Variants in CDK12 observed in about 807,000 individuals in gnomAD.
CDK12 encodes cyclin dependent kinase 12.
CDK12 carries 17 observed loss-of-function variants against 133.8 expected under a neutral mutation model. That is an observed-to-expected ratio of 0.13 (90% CI 0.09 to 0.19). CDK12 has a LOEUF of 0.19. Ranked by LOEUF, CDK12 falls within the 10% of genes least tolerant of loss-of-function variation. The probability of loss-of-function intolerance (pLI) is 1.00; values close to 1 mark genes in which losing one functional copy is unlikely to be tolerated. For synonymous variants in CDK12, 694 were observed against 683.6 expected (o/e 1.02, Z -0.24); for missense variants, 1,508 against 1,818.7 (o/e 0.83, Z 3.11).
In CDK12 at chr17:39,461,703, C is replaced by T. The variant is rs943962555; in HGVS notation, c.-369C>T. Reference sequence around the variant, plus strand: ...GGGCCCGCGTAGTCCTCGCAGGGCCCCAGAGCTGGAGTCGGCTCCACAGCC... The same window carrying T: ...GGGCCCGCGTAGTCCTCGCAGGGCCTCAGAGCTGGAGTCGGCTCCACAGCC... On this transcript the variant is annotated 5_prime_UTR_variant, in exon 1 of 14. Coordinates refer to ENST00000447079, the MANE Select transcript of CDK12 (RefSeq NM_016507.4). 13 of 315,776 alleles carry T rather than the reference C, an allele frequency of 4.1e-5. No individual in the cohort carries two copies. In the East Asian group the frequency reaches 5.7e-4, roughly 14 times the overall value. 19.6% of individuals were successfully genotyped at this position (315,776 alleles called of 1,614,324 possible). A position where few individuals can be genotyped will look rare whatever the true frequency, so the allele number is the denominator to read the frequency against.
intron 3 of CDK12, among the ~76,000 whole-genome samples, chr17:39,559,047 GAGA>G (rs1266605036): frequency 2.0e-5 from 3 of 152,152 alleles, no homozygotes; most frequent in Non-Finnish European, 4.4e-5. Context: ...GTACACTAAT[GAGA>G]ATATAATATT....
chr17:39,508,261 C>G (rs1032667121), intron 6 of CDK12, among the ~76,000 whole-genome samples: 3 of 152,090 alleles, frequency 2.0e-5, no homozygotes, highest in Non-Finnish European at 2.9e-5. Flanking sequence ...GATGCACAAT[C>G]TATATCTCAC....
Position 39,532,110 on chromosome 17 carries a change from C to G in CDK12, c.*794C>G. 1 of 132,224 alleles carries G rather than the reference C, an allele frequency of 7.6e-6. No individual in the cohort carries two copies. The highest frequency in any genetic ancestry group is 1.7e-5 in the Non-Finnish European group (1 of 58,698). The allele number at this position is 132,224 out of a possible 1,614,324, so 8.2% of individuals were successfully genotyped here. ...GTGCTCTCTCTCTCTCTTTCTCTCT[C>G]TCTCTCTCTCTCTCTCTCTCTCTCT... On this transcript the variant is annotated 3_prime_UTR_variant, in exon 14 of 14. Coordinates refer to ENST00000447079, the MANE Select transcript of CDK12 (RefSeq NM_016507.4).
chr17:39,510,640 A>G (rs1042823786), intron 7 of CDK12, among the ~76,000 whole-genome samples: 4 of 141,640 alleles, frequency 2.8e-5, no homozygotes, highest in African/African-American at 7.9e-5. Flanking sequence ...TTTCCTGGAG[A>G]TTTGCTCTTG....
At chr17:39,476,079 A>G (rs1277395903) in intron 2 of CDK12, among the ~76,000 whole-genome samples, 1 of 147,420 alleles carries the variant, frequency 6.8e-6, no homozygotes, top group East Asian at 2.0e-4. Context: ...TTTTTTTTTT[A>G]CTTCAGAAAA....
chr17:39,465,567 A>G (rs1227135403), intron 1 of CDK12, among the ~76,000 whole-genome samples: 1 of 151,542 alleles, frequency 6.6e-6, no homozygotes, highest in Admixed American at 6.6e-5. Context: ...GTTCACTGCA[A>G]CCTCTGCCTC....
chr17:39,563,795 G>T (rs564175091), intron 3 of CDK12, among the ~76,000 whole-genome samples: 77 of 150,664 alleles, frequency 5.1e-4, no homozygotes, highest in Non-Finnish European at 1.1e-3. Flanking sequence ...GAGTGAGGAA[G>T]GGGGGAGAGA....
chr17:39,507,746 C>T (rs991518721), intron 6 of CDK12, among the ~76,000 whole-genome samples: 1 of 152,160 alleles, frequency 6.6e-6, no homozygotes, highest in Non-Finnish European at 1.5e-5. Flanking sequence ...TTGAATCTTA[C>T]ATAATTTCAG....
chr17:39,518,538 T>G (rs1319011006), intron 10 of CDK12, among the ~76,000 whole-genome samples: 1 of 152,076 alleles, frequency 6.6e-6, no homozygotes, highest in African/African-American at 2.4e-5. Context: ...CTCTGTTATT[T>G]TATTTTACTT....
intron 2 of CDK12, 46 bp from the exon 3 acceptor site, chr17:39,490,511 G>A (rs1185582803): frequency 2.2e-6 from 3 of 1,365,354 alleles, no homozygotes; most frequent in Middle Eastern, 2.1e-4. Flanking sequence ...TTTTATTTGC[G>A]TATCTTTAAT....
chr17:39,530,530 A>G, intron 13 of CDK12, 74 bp from the exon 14 acceptor site: 1 of 1,504,794 alleles, frequency 6.6e-7, no homozygotes, highest in African/African-American at 1.4e-5. Flanking sequence ...TTTATGTTGC[A>G]CAGTGTGTGT....
At chr17:39,522,923 T>C (rs1254733325) in intron 11 of CDK12, among the ~76,000 whole-genome samples, 1 of 151,684 alleles carries the variant, frequency 6.6e-6, no homozygotes, top group Non-Finnish European at 1.5e-5. Context: ...TGTGGTGGTG[T>C]ATGCTTGTAG....
downstream of CDK12, chr17:39,535,009 T>C (rs1324902540): frequency 6.6e-6 from 1 of 152,212 alleles, no homozygotes; most frequent in African/African-American, 2.4e-5. Context: ...TGGGGATTAG[T>C]GTACCTACCT....
At chr17:39,475,569 A>G (rs1209082392) in intron 2 of CDK12, among the ~76,000 whole-genome samples, 2 of 146,406 alleles carry the variant, frequency 1.4e-5, no homozygotes, top group Non-Finnish European at 3.0e-5. Context: ...TTTTTTTGAG[A>G]CGGTGTCTCA....
chr17:39,539,263 A>G (rs2055300069), downstream of CDK12, among the ~76,000 whole-genome samples: 1 of 152,236 alleles, frequency 6.6e-6, no homozygotes, highest in African/African-American at 2.4e-5. Flanking sequence ...TTGTACAAAT[A>G]GGAAACAAAA....
chr17:39,516,964 A>G (rs1281436047), intron 9 of CDK12, among the ~76,000 whole-genome samples: 2 of 152,084 alleles, frequency 1.3e-5, no homozygotes, highest in Non-Finnish European at 2.9e-5. Flanking sequence ...TGCCCGGCCA[A>G]TGTAGACATT....
In CDK12 at chr17:39,470,862, G is replaced by C. The variant is rs2049740819; in HGVS notation, c.1047-17G>C. ...ACTGTAGTCCATTCATTTAAAACTGGCTTTTTATTTTTCCAGTAGGAAATC... is the reference window on the plus strand; with the variant it reads ...ACTGTAGTCCATTCATTTAAAACTGCCTTTTTATTTTTCCAGTAGGAAATC... On this transcript the variant is annotated splice_polypyrimidine_tract_variant and intron_variant, in intron 1 of 13. Coordinates refer to ENST00000447079, the MANE Select transcript of CDK12 (RefSeq NM_016507.4). 1 of 1,582,406 alleles carries C rather than the reference G, an allele frequency of 6.3e-7. No individual in the cohort carries two copies. The highest frequency in any genetic ancestry group is 1.4e-5 in the African/African-American group (1 of 73,224).
At chr17:39,493,966 A>G (rs1006121092) in intron 4 of CDK12, among the ~76,000 whole-genome samples, 3 of 152,138 alleles carry the variant, frequency 2.0e-5, no homozygotes, top group African/African-American at 7.2e-5. Flanking sequence ...AGTGCCCTGC[A>G]GCCTGGGTGA....
At chr17:39,560,289 T>G (rs548741863) in intron 3 of CDK12, among the ~76,000 whole-genome samples, 1 of 152,380 alleles carries the variant, frequency 6.6e-6, no homozygotes, top group African/African-American at 2.4e-5. Flanking sequence ...CAGATTTTTG[T>G]GTGAACATAA....
Sources: gnomAD v4.1 joint callset for allele counts (sites outside exome capture counted in the v4.1 genomes callset) on GRCh38, gnomAD v4.1.1 for gene constraint, MANE v1.5 for transcripts, NCBI Gene and HGNC (gene_info 2026-07-23, HGNC 2026-07-21) for gene names.